ENOX1: variants seen among roughly 807,000 people sequenced by gnomAD.
ENOX1 encodes the protein ecto-NOX disulfide-thiol exchanger 1.
A neutral mutation model predicts 82.5 loss-of-function variants in ENOX1; 42 were observed. The ratio of observed to expected loss-of-function variants is 0.51; its 90% CI spans 0.40 to 0.66. The LOEUF (loss-of-function observed/expected upper bound fraction) is 0.66, where lower values mean the gene tolerates loss of function less well. Ranked by LOEUF, ENOX1 falls within the 30% of genes least tolerant of loss-of-function variation. The pLI, the probability that ENOX1 is intolerant of heterozygous loss-of-function variation, is 0.00. For missense variants in ENOX1, 608 were observed against 811.6 expected (o/e 0.75, Z 3.05); for synonymous variants, 271 against 282.2 (o/e 0.96, Z 0.40).
intron 1 of ENOX1, among the ~76,000 whole-genome samples, chr13:43,714,824 C>T (rs563254521): frequency 8.5e-5 from 13 of 152,176 alleles, no homozygotes; most frequent in South Asian, 6.2e-4. Flanking sequence ...AAGTGAGATG[C>T]GTTTCCTGAA....
chr13:43,703,390 T>G (rs2087031769), intron 1 of ENOX1, among the ~76,000 whole-genome samples: 1 of 152,180 alleles, frequency 6.6e-6, no homozygotes, highest in Non-Finnish European at 1.5e-5. Context: ...GTTTTTCCCT[T>G]CCATTTATGG....
intron 3 of ENOX1, among the ~76,000 whole-genome samples, chr13:43,414,967 C>T (rs1254556904): frequency 1.3e-5 from 2 of 152,204 alleles, no homozygotes; most frequent in African/African-American, 2.4e-5. Flanking sequence ...TAACAGTCTG[C>T]TCCAATGGCA....
Position 43,367,835 on chromosome 13 carries a change from C to T in ENOX1, c.209-6383G>A, listed in dbSNP as rs2050951874. Among the ~76,000 whole-genome samples, 3 of 152,158 alleles carry T rather than the reference C, an allele frequency of 2.0e-5. No homozygotes were observed. In the South Asian group the frequency reaches 6.2e-4, roughly 32 times the overall value. On this transcript the variant is annotated intron_variant, in intron 5 of 16. Coordinates refer to ENST00000690772, the MANE Select transcript of ENOX1 (RefSeq NM_001347969.2). ...TTGAAAAGGATGACATCTGTATATG[C>T]AATGGGCATGTAAAAAGGTATCCCC...
intron 2 of ENOX1, among the ~76,000 whole-genome samples, chr13:43,584,474 C>A (rs1488390678): frequency 2.6e-5 from 4 of 152,090 alleles, no homozygotes; most frequent in Non-Finnish European, 5.9e-5. Context: ...CAGAAATGCA[C>A]CTGAAGGTTT....
intron 5 of ENOX1, among the ~76,000 whole-genome samples, chr13:43,404,922 T>C (rs185506737): frequency 3.4e-4 from 52 of 152,148 alleles, no homozygotes; most frequent in African/African-American, 1.2e-3. Context: ...AGATGGAAAA[T>C]AAAAACAAAA....
chr13:43,729,083 GC>G (rs2089169105), intron 1 of ENOX1, among the ~76,000 whole-genome samples: 1 of 152,140 alleles, frequency 6.6e-6, no homozygotes, highest in African/African-American at 2.4e-5. Flanking sequence ...GAAAACTGAG[GC>G]CCAAAAAAGT....
intron 15 of ENOX1, among the ~76,000 whole-genome samples, chr13:43,234,904 A>C (rs1389543949): frequency 6.6e-6 from 1 of 152,232 alleles, no homozygotes; most frequent in African/African-American, 2.4e-5. Context: ...AACATAAAAG[A>C]AGCAGCTATC....
At chr13:43,368,655 C>T (rs976843719) in intron 5 of ENOX1, among the ~76,000 whole-genome samples, 1 of 152,168 alleles carries the variant, frequency 6.6e-6, no homozygotes. Flanking sequence ...TGCTGAAACA[C>T]ACTCTTAAGA....
intron 3 of ENOX1, among the ~76,000 whole-genome samples, chr13:43,465,749 A>G (rs1382848198): frequency 1.3e-5 from 2 of 152,204 alleles, no homozygotes; most frequent in Non-Finnish European, 2.9e-5. Flanking sequence ...TTAAGCTAAC[A>G]TGAAGTTAGC....
intron 1 of ENOX1, among the ~76,000 whole-genome samples, chr13:43,779,428 G>A (rs921994626): frequency 1.3e-5 from 2 of 152,132 alleles, no homozygotes; most frequent in Non-Finnish European, 2.9e-5. Flanking sequence ...GTCTATTCCT[G>A]AGGCCATTAA....
intron 3 of ENOX1, among the ~76,000 whole-genome samples, chr13:43,417,602 T>C (rs1211342247): frequency 6.6e-6 from 1 of 152,244 alleles, no homozygotes; most frequent in East Asian, 1.9e-4. Context: ...GCCTTAGTTT[T>C]ATTATTTCTA....
chr13:43,774,918 C>G (rs1332549421), intron 1 of ENOX1, among the ~76,000 whole-genome samples: 1 of 152,028 alleles, frequency 6.6e-6, no homozygotes, highest in East Asian at 1.9e-4. Flanking sequence ...GGCGTGATCT[C>G]GGCTCCCTGC....
intron 1 of ENOX1, among the ~76,000 whole-genome samples, chr13:43,703,499 G>A (rs138054635): frequency 1.2e-4 from 18 of 152,260 alleles, no homozygotes; most frequent in African/African-American, 3.6e-4. Context: ...TCTCTGAAGC[G>A]TCTCTGGGAA....
chr13:43,460,680 G>A (rs1397574053), intron 3 of ENOX1, among the ~76,000 whole-genome samples: 1 of 151,812 alleles, frequency 6.6e-6, no homozygotes, highest in African/African-American at 2.4e-5. Flanking sequence ...TGTAGTTCCA[G>A]CTACTCGGGA....
intron 1 of ENOX1, among the ~76,000 whole-genome samples, chr13:43,785,460 C>G (rs1952514430): frequency 1.3e-5 from 2 of 152,202 alleles, no homozygotes; most frequent in Admixed American, 1.3e-4. Context: ...AGGAACCTTT[C>G]CATACGCACG....
chr13:43,339,724 C>T (rs1449161314), intron 9 of ENOX1, among the ~76,000 whole-genome samples: 1 of 152,124 alleles, frequency 6.6e-6, no homozygotes, highest in African/African-American at 2.4e-5. Flanking sequence ...GGAGAGGGAG[C>T]AGTTGGGGCT....
chr13:43,638,344 A>C (rs2083490090), intron 2 of ENOX1, among the ~76,000 whole-genome samples: 1 of 152,170 alleles, frequency 6.6e-6, no homozygotes, highest in African/African-American at 2.4e-5. Context: ...TTGTGTCCTC[A>C]TAGTGAAACC....
rs990188589 is a variant in ENOX1, at chr13:43,601,136, C to A, written c.-219+66343G>T. On this transcript the variant is annotated intron_variant, in intron 2 of 16. Transcript: ENST00000690772. The stretch of plus-strand genomic sequence containing the variant: ...TTCAATGACAAGACTGGACGAATAC[C>A]CACAAGCATTAAGACCATCCAGAAA... Among the ~76,000 whole-genome samples, 5 of 152,128 alleles carry A rather than the reference C, an allele frequency of 3.3e-5. No individual in the cohort carries two copies. The South Asian group carries it at 1.0e-3, about 32-fold the overall frequency.
intron 3 of ENOX1, among the ~76,000 whole-genome samples, chr13:43,433,194 T>C (rs2055789542): frequency 6.6e-6 from 1 of 152,168 alleles, no homozygotes; most frequent in Admixed American, 6.5e-5. Context: ...CATCATAGCA[T>C]GGCAGAGAAA....
Sources: allele counts gnomAD v4.1 joint callset (sites outside exome capture counted in the v4.1 genomes callset), GRCh38; gene constraint gnomAD v4.1.1; transcripts MANE v1.5; gene names NCBI Gene and HGNC (gene_info 2026-07-23, HGNC 2026-07-21).